TOGARAM2: variants seen among roughly 807,000 people sequenced by gnomAD.
TOGARAM2 encodes the protein TOG array regulator of axonemal microtubules 2, also known as TOG array regulator of axonemal microtubules protein 2.
TOGARAM2 carries 85 observed loss-of-function variants against 93.3 expected under a neutral mutation model. The observed-to-expected ratio is 0.91, with a 90% CI of 0.76 to 1.09. TOGARAM2 has a LOEUF of 1.09. Ranked by LOEUF, TOGARAM2 falls within the 50% of genes least tolerant of loss-of-function variation. The pLI is 0.00. For missense variants in TOGARAM2, 1,277 were observed against 1,334.5 expected, an observed-to-expected ratio of 0.96 and a Z score of 0.67; for synonymous variants, 593 against 552.8, an observed-to-expected ratio of 1.07 and a Z score of -1.02.
intron 18 of TOGARAM2, among the ~76,000 whole-genome samples, chr2:29,043,952 G>A (rs1390311067): frequency 2.6e-5 from 4 of 152,316 alleles, no homozygotes; most frequent in East Asian, 3.9e-4. Context: ...AGTCGACTTC[G>A]GGAATATGAA....
chr2:28,980,399 G>C (rs1035030039), upstream of TOGARAM2, among the ~76,000 whole-genome samples: 8 of 152,248 alleles, frequency 5.3e-5, no homozygotes, highest in Admixed American at 3.9e-4. Context: ...AGCCATCCCT[G>C]TGTGTTCCAC....
intron 2 of TOGARAM2, among the ~76,000 whole-genome samples, chr2:28,996,903 T>C (rs1673020023): frequency 6.6e-6 from 1 of 151,732 alleles, no homozygotes; most frequent in Non-Finnish European, 1.5e-5. Flanking sequence ...TATGGCCTAA[T>C]AGTATCCCAT....
At chr2:28,999,538 G>A in intron 4 of TOGARAM2, 70 bp downstream of exon 4, 1 of 1,479,150 alleles carries the variant, frequency 6.8e-7, no homozygotes, top group African/African-American at 1.4e-5. Context: ...CTCCAGGGCT[G>A]TGAGGGTCAG....
At chr2:29,008,709 G>C (rs191464109) in intron 6 of TOGARAM2, among the ~76,000 whole-genome samples, 1 of 152,102 alleles carries the variant, frequency 6.6e-6, no homozygotes, top group Non-Finnish European at 1.5e-5. Context: ...TGCCCACCTC[G>C]GCCTCCCAAA....
chr2:28,958,462 T>C (rs1020867347), intron 1 of TOGARAM2, among the ~76,000 whole-genome samples: 1 of 152,140 alleles, frequency 6.6e-6, no homozygotes, highest in Non-Finnish European at 1.5e-5. Flanking sequence ...TGCACCACCA[T>C]GCCTGGCTAG....
Position 29,024,021 on chromosome 2 carries a change from C to T in TOGARAM2, c.1618-118C>T, listed in dbSNP as rs1572733853. The T allele has an allele frequency of 2.8e-5, 23 of 828,948 alleles. No homozygotes were observed. The East Asian group carries it at 6.2e-4, about 22-fold the overall frequency. The allele number at this position is 828,948 out of a possible 1,614,324, so 51.3% of individuals were successfully genotyped here. A position where few individuals can be genotyped will look rare whatever the true frequency, so the allele number is the denominator to read the frequency against. On this transcript the variant is annotated intron_variant, in intron 12 of 19. Transcript: ENST00000379558. ...GGTTTTTGTTTCCAGCGTGGCAAGG[C>T]CTAGGTCAGGGGAAGGGTGGGGGTG...
chr2:28,990,659 G>A (rs1223474013), intron 1 of TOGARAM2, among the ~76,000 whole-genome samples: 1 of 152,108 alleles, frequency 6.6e-6, no homozygotes, highest in African/African-American at 2.4e-5. Context: ...GAGCCTCTCC[G>A]GTGCCCTAGT....
chr2:29,049,453 T>G (rs1018232918), intron 19 of TOGARAM2: 1 of 152,252 alleles, frequency 6.6e-6, no homozygotes, highest in South Asian at 2.1e-4. Context: ...ATCTCTGTGT[T>G]CTCACCTATT....
intron 2 of TOGARAM2, among the ~76,000 whole-genome samples, chr2:28,997,705 C>A (rs1452840398): frequency 6.6e-6 from 1 of 152,086 alleles, no homozygotes. Context: ...TTGGTCAGGG[C>A]GGAAGCCGTA....
rs200945881 is a variant in TOGARAM2, at chr2:29,017,226, C to T, written c.1117C>T (p.Arg373Trp). The change falls in exon 9 of 20, where the codon CGG (arginine) becomes TGG (tryptophan). Residue 373 changes from arginine (R) to tryptophan (W), a missense_variant. Coordinates refer to ENST00000379558, the MANE Select transcript of TOGARAM2 (RefSeq NM_199280.4). Reference protein sequence around the residue: ...LKQMKEMELLRRLEEPRTGQE... With the variant: ...LKQMKEMELLWRLEEPRTGQE... ...GCAGATGAAGGAGATGGAGCTGCTT[C>T]GGAGGCTGGAGGAGCCCAGGACAGG... 142 of 1,613,908 alleles carry T rather than the reference C, an allele frequency of 8.8e-5. 2 individuals carry two copies. In the Admixed American group the frequency reaches 2.0e-3, roughly 22 times the overall value.
Position 29,011,489 on chromosome 2 carries a change from C to A in TOGARAM2, c.865C>A (p.Pro289Thr). 1 of 1,606,096 alleles carries A rather than the reference C, an allele frequency of 6.2e-7. No individual in the cohort carries two copies. Among genetic ancestry groups the A allele is most frequent in the Non-Finnish European group, 8.5e-7 (1 of 1,177,166 alleles). Residue 289 changes from proline (P) to threonine (T), a missense_variant, in exon 7 of 20, where the codon CCT becomes ACT. Physicochemically the swap from Pro to Thr is conservative, Grantham distance 38. Transcript: ENST00000379558. ...ARGSGPREKT[P>T]ASLEPKPLAS... ...GGGGAGTGGGCCTCGGGAGAAGACC[C>A]CTGCATCTCTGGGTACGTATCTTCC... is the stretch of plus-strand genomic sequence containing the variant.
At chr2:29,023,485 C>T (rs1300765772) in intron 12 of TOGARAM2, among the ~76,000 whole-genome samples, 1 of 152,202 alleles carries the variant, frequency 6.6e-6, no homozygotes, top group Non-Finnish European at 1.5e-5. Flanking sequence ...ATGGAGCGTC[C>T]AGGGCCAGAT....
chr2:28,999,031 C>A, intron 3 of TOGARAM2, 150 bp from the exon 4 acceptor site: 1 of 790,786 alleles, frequency 1.3e-6, no homozygotes, highest in Non-Finnish European at 2.0e-6. Flanking sequence ...ATGAATGACT[C>A]GTCCCCAGGA....
Position 29,017,320 on chromosome 2 carries a change from T to C in TOGARAM2, c.1195+16T>C, listed in dbSNP as rs1307471490. 2.5e-6 allele frequency: 4 copies of C among 1,579,810 alleles called. No individual in the cohort carries two copies. The highest frequency in any genetic ancestry group is 4.5e-5 in the East Asian group (2 of 44,202). On this transcript the variant is annotated intron_variant, in intron 9 of 19. Coordinates refer to ENST00000379558, the MANE Select transcript of TOGARAM2 (RefSeq NM_199280.4). ...ATGAAGGAAGGTACTGGGTGCCTGG[T>C]GTGGGATTTGCTCAGGCCTGGGGAG...
intron 1 of TOGARAM2, among the ~76,000 whole-genome samples, chr2:28,983,192 ATATATATTTTTTTTTTTT>A (rs1672294110): frequency 2.0e-5 from 1 of 48,914 alleles, no homozygotes; most frequent in Non-Finnish European, 4.6e-5. Flanking sequence ...ATATATATAT[ATATATATTTTTTTTTTTT>A]TTTTTTTTTT....
chr2:29,034,038 C>A (rs549813460), intron 16 of TOGARAM2, among the ~76,000 whole-genome samples: 2 of 152,208 alleles, frequency 1.3e-5, no homozygotes, highest in African/African-American at 4.8e-5. Flanking sequence ...GTCTGATGGT[C>A]ACGCCTGTGC....
chr2:29,028,463 T>C (rs561040142), intron 14 of TOGARAM2, among the ~76,000 whole-genome samples: 4 of 152,308 alleles, frequency 2.6e-5, no homozygotes, highest in Admixed American at 2.0e-4. Flanking sequence ...TCTGCCTCCC[T>C]CCTGCACAGC....
At chr2:28,974,177 G>C (rs552773197) in intron 1 of TOGARAM2, among the ~76,000 whole-genome samples, 2 of 141,672 alleles carry the variant, frequency 1.4e-5, no homozygotes, top group Admixed American at 1.5e-4. Context: ...ACCCAGGCTG[G>C]AGTGCAGTGG....
Position 28,999,321 on chromosome 2 carries a change from C to A in TOGARAM2, c.280C>A (p.Leu94Ile). The A allele has an allele frequency of 3.1e-6, 5 of 1,613,924 alleles. No homozygotes were observed. The highest frequency in any genetic ancestry group is 4.2e-6 in the Non-Finnish European group (5 of 1,179,846). Residue 94 changes from leucine to isoleucine, a missense_variant, in exon 4 of 20, where the codon CTC (leucine) becomes ATC (isoleucine). Transcript: ENST00000379558. ...WQARNGHPRNLRALSLGDQPL... is the reference protein window; with the variant it reads ...WQARNGHPRNIRALSLGDQPL... ...GGCAAGGAATGGTCACCCCAGGAAC[C>A]TCAGGGCCTTGTCTTTGGGGGACCA...
Sources: allele counts gnomAD v4.1 joint callset (sites outside exome capture counted in the v4.1 genomes callset), GRCh38; gene constraint gnomAD v4.1.1; transcripts MANE v1.5; gene names NCBI Gene and HGNC (gene_info 2026-07-23, HGNC 2026-07-21).